PSMA1: variants seen among roughly 807,000 people sequenced by gnomAD.
PSMA1 encodes the protein proteasome 20S subunit alpha 1, also known as proteasome subunit alpha type-1.
A neutral mutation model predicts 38.4 loss-of-function variants in PSMA1; 3 were observed. That is an observed-to-expected ratio of 0.08 (90% CI 0.04 to 0.20). The LOEUF (loss-of-function observed/expected upper bound fraction) is 0.20. Among genes scored for constraint, PSMA1 ranks in the 10% least tolerant of loss-of-function variants. The pLI is 1.00. For missense variants in PSMA1, 227 were observed against 325.3 expected (o/e 0.70, Z 2.32); for synonymous variants, 101 against 107.1 (o/e 0.94, Z 0.35).
intron 2 of PSMA1, among the ~76,000 whole-genome samples, chr11:14,547,730 C>T (rs1392755064): frequency 1.3e-5 from 2 of 152,082 alleles, no homozygotes; most frequent in Admixed American, 1.3e-4. Flanking sequence ...GGATAGGTAG[C>T]CAAACATCCA....
intron 2 of PSMA1, among the ~76,000 whole-genome samples, chr11:14,556,538 A>G (rs548215156): frequency 3.9e-5 from 6 of 152,242 alleles, no homozygotes; most frequent in African/African-American, 1.4e-4. Context: ...TAGGCCTTTT[A>G]AATCTGAAAA....
intron 2 of PSMA1, among the ~76,000 whole-genome samples, chr11:14,555,076 T>A (rs907066469): frequency 2.0e-5 from 3 of 152,218 alleles, no homozygotes; most frequent in Admixed American, 1.3e-4. Flanking sequence ...CATTTACTGT[T>A]GGCAAGTTAA....
chr11:14,610,685 T>G (rs1852698471), intron 2 of PSMA1, among the ~76,000 whole-genome samples: 1 of 152,238 alleles, frequency 6.6e-6, no homozygotes, highest in Non-Finnish European at 1.5e-5. Flanking sequence ...ATGACTATTT[T>G]TCAGAAAGGT....
chr11:14,555,588 C>T (rs1226021589), intron 2 of PSMA1, among the ~76,000 whole-genome samples: 1 of 152,192 alleles, frequency 6.6e-6, no homozygotes, highest in Non-Finnish European at 1.5e-5. Context: ...ACACAGCTAA[C>T]TGTAGTCACA....
At chr11:14,518,049 C>A in intron 2 of PSMA1, 68 bp from the exon 3 acceptor site, 3 of 1,147,614 alleles carry the variant, frequency 2.6e-6, no homozygotes, top group East Asian at 2.6e-5. Flanking sequence ...TTAGGGTTTT[C>A]AAATATCAGG....
rs552793584 is a variant in PSMA1, at chr11:14,555,727, C to A, written c.22-36686G>T. ...TTCTACCACCCTCTCCAACATAAAC[C>A]CTTCACCTATCCCCATCCTCCCATT... is the stretch of plus-strand genomic sequence containing the variant. On this transcript the variant is annotated intron_variant, in intron 2 of 10. Coordinates refer to the PSMA1 transcript ENST00000418988. 2.0e-5 allele frequency among the ~76,000 whole-genome samples: 3 copies of A among 152,204 alleles called. No individual in the cohort carries two copies. In the South Asian group the frequency reaches 6.2e-4, roughly 32 times the overall value.
intron 1 of PSMA1, among the ~76,000 whole-genome samples, chr11:14,625,409 C>T (rs1224260656): frequency 6.6e-6 from 1 of 152,178 alleles, no homozygotes; most frequent in African/African-American, 2.4e-5. Flanking sequence ...GATTGTGCCA[C>T]TGCACTCCAG....
At chr11:14,559,982 T>A (rs1206330390) in intron 2 of PSMA1, among the ~76,000 whole-genome samples, 1 of 151,976 alleles carries the variant, frequency 6.6e-6, no homozygotes, top group African/African-American at 2.4e-5. Context: ...AGCTCTGGAG[T>A]TGTCCTGCTT....
chr11:14,609,488 A>G (rs1852683168), intron 2 of PSMA1, among the ~76,000 whole-genome samples: 1 of 152,208 alleles, frequency 6.6e-6, no homozygotes, highest in African/African-American at 2.4e-5. Flanking sequence ...TAGTGACATG[A>G]TAAGGAGAAA....
At chr11:14,589,136 T>G (rs933898476) in intron 2 of PSMA1, among the ~76,000 whole-genome samples, 7 of 152,174 alleles carry the variant, frequency 4.6e-5, no homozygotes, top group Non-Finnish European at 1.0e-4. Context: ...CTCACCTCCT[T>G]CAGGTCTTTC....
intron 1 of PSMA1, among the ~76,000 whole-genome samples, chr11:14,642,558 G>A (rs1853226611): frequency 6.6e-6 from 1 of 152,330 alleles, no homozygotes; most frequent in East Asian, 1.9e-4. Context: ...ACTGTGGGCA[G>A]AGATTAATTG....
intron 2 of PSMA1, among the ~76,000 whole-genome samples, chr11:14,531,238 T>A (rs1442330380): frequency 1.3e-5 from 2 of 152,172 alleles, no homozygotes; most frequent in Non-Finnish European, 2.9e-5. Context: ...AATGATTTCA[T>A]CATGCACATA....
chr11:14,521,327 AGAATAAT>A (rs770724308), upstream of PSMA1, among the ~76,000 whole-genome samples: 7 of 131,656 alleles, frequency 5.3e-5, no homozygotes, highest in African/African-American at 6.0e-5. Flanking sequence ...AATAAGAATA[AGAATAAT>A]AAAAAAAAAA....
chr11:14,508,245 A>G (rs1194903254), intron 8 of PSMA1, among the ~76,000 whole-genome samples: 2 of 152,030 alleles, frequency 1.3e-5, no homozygotes, highest in Admixed American at 1.3e-4. Context: ...GAAGCTGAAA[A>G]CCTTGTTCCT....
In PSMA1 at chr11:14,553,223, C is replaced by T. The variant is rs150799751; in HGVS notation, c.22-34182G>A. 8.9e-3 allele frequency among the ~76,000 whole-genome samples: 1,346 copies of T among 151,814 alleles called. 15 individuals carry two copies. Among genetic ancestry groups the T allele is most frequent in the African/African-American group, 0.031 (1,286 of 41,368 alleles). ...CATAGTACAGGGACGTTCTGTGTAC[C>T]CTTTATCCTGTTTCCCCCAATGGTA... On this transcript the variant is annotated intron_variant, in intron 2 of 10. Transcript: ENST00000418988.
intron 2 of PSMA1, among the ~76,000 whole-genome samples, chr11:14,567,106 T>G (rs780121634): frequency 2.0e-4 from 31 of 152,300 alleles, no homozygotes; most frequent in Non-Finnish European, 4.1e-4. Flanking sequence ...CAGAAAAGTG[T>G]AGCTAGCAGA....
exon 2 of PSMA1, chr11:14,611,108 C>A: frequency 1.1e-6 from 1 of 911,454 alleles, no homozygotes; most frequent in South Asian, 1.4e-5. Context: ...ACTGGCCTTG[C>A]TGAGAGCTGA....
intron 7 of PSMA1, among the ~76,000 whole-genome samples, chr11:14,511,953 T>C (rs1217484344): frequency 1.3e-5 from 2 of 152,208 alleles, no homozygotes; most frequent in Non-Finnish European, 2.9e-5. Flanking sequence ...TGTATTTCTA[T>C]ATAGTTGCAA....
At chr11:14,553,765 T>C (rs1851913867) in intron 2 of PSMA1, among the ~76,000 whole-genome samples, 1 of 152,204 alleles carries the variant, frequency 6.6e-6, no homozygotes, top group Admixed American at 6.5e-5. Context: ...CTACTACAAA[T>C]AAACTTACAA....
Sources: gnomAD v4.1 joint callset for allele counts (sites outside exome capture counted in the v4.1 genomes callset) on GRCh38, gnomAD v4.1.1 for gene constraint, MANE v1.5 for transcripts, NCBI Gene and HGNC (gene_info 2026-07-23, HGNC 2026-07-21) for gene names.